TNR: variants seen among roughly 807,000 people sequenced by gnomAD.
TNR encodes the protein tenascin R.
A neutral mutation model predicts 150.4 loss-of-function variants in TNR; 45 were observed. That is an observed-to-expected ratio of 0.30 (90% CI 0.24 to 0.38). TNR has a LOEUF of 0.38. TNR is among the 10% of genes least tolerant of loss of function. The pLI, the probability that TNR is intolerant of heterozygous loss-of-function variation, is 1.00. For missense variants in TNR, 1,544 were observed against 1,759.1 expected (o/e 0.88, Z 2.19); for synonymous variants, 687 against 678.4 (o/e 1.01, Z -0.20).
chr1:175,538,326 G>A (rs1660373697), intron 1 of TNR, among the ~76,000 whole-genome samples: 1 of 152,112 alleles, frequency 6.6e-6, no homozygotes, highest in Admixed American at 6.5e-5. Context: ...CAGAACCTGT[G>A]TTCAGGTCAG....
At chr1:175,615,033 G>C (rs1663725850) in intron 1 of TNR, among the ~76,000 whole-genome samples, 1 of 152,244 alleles carries the variant, frequency 6.6e-6, no homozygotes, top group African/African-American at 2.4e-5. Context: ...AGTGGGGCTG[G>C]TGAAATAGCT....
At chr1:175,585,163 T>TAGGTGC (rs1438432130) in intron 1 of TNR, among the ~76,000 whole-genome samples, 2 of 152,114 alleles carry the variant, frequency 1.3e-5, no homozygotes, top group Non-Finnish European at 2.9e-5. Context: ...ACTGATAAAG[T>TAGGTGC]AGGTGCAGTT....
intron 1 of TNR, among the ~76,000 whole-genome samples, chr1:175,570,057 C>A (rs1479592726): frequency 6.6e-6 from 1 of 152,156 alleles, no homozygotes; most frequent in African/African-American, 2.4e-5. Flanking sequence ...AAAGGCTTTC[C>A]TTCAAGTTCT....
chr1:175,624,609 A>C (rs1192558367), intron 1 of TNR, among the ~76,000 whole-genome samples: 1 of 152,178 alleles, frequency 6.6e-6, no homozygotes, highest in Non-Finnish European at 1.5e-5. Context: ...AGGTAGTCCC[A>C]CTACAGGTTT....
intron 1 of TNR, among the ~76,000 whole-genome samples, chr1:175,660,126 A>G (rs1408585747): frequency 6.6e-6 from 1 of 152,202 alleles, no homozygotes; most frequent in Non-Finnish European, 1.5e-5. Context: ...CTCTGGACTC[A>G]GTTTCCACAA....
chr1:175,421,842 G>A (rs1235384194), intron 2 of TNR, among the ~76,000 whole-genome samples: 1 of 152,196 alleles, frequency 6.6e-6, no homozygotes, highest in African/African-American at 2.4e-5. Flanking sequence ...CAGAGCTTGT[G>A]CATTCTGCCC....
chr1:175,524,935 A>G (rs1012335914), intron 2 of TNR, among the ~76,000 whole-genome samples: 2 of 152,180 alleles, frequency 1.3e-5, no homozygotes, highest in Non-Finnish European at 2.9e-5. Context: ...AGGCTCTGCC[A>G]AGACCTCCTC....
At chr1:175,560,368 T>C (rs1223381669) in intron 1 of TNR, among the ~76,000 whole-genome samples, 1 of 152,250 alleles carries the variant, frequency 6.6e-6, no homozygotes, top group Non-Finnish European at 1.5e-5. Flanking sequence ...GACAAGATGT[T>C]CTCAGATGTT....
chr1:175,651,861 T>C (rs1470079497), intron 1 of TNR, among the ~76,000 whole-genome samples: 1 of 151,590 alleles, frequency 6.6e-6, no homozygotes, highest in East Asian at 1.9e-4. Context: ...TATGAAATCG[T>C]AACCAAATAA....
rs75366770 is a variant in TNR at position 175,507,660 on chromosome 1, C to T, written c.-64+20609G>A. Reference sequence around the variant, plus strand: ...ACAGTCCTCAGCCTCACATGTTTTCCCACCCAGCATAATGAACTCCTACAT... The same window carrying T: ...ACAGTCCTCAGCCTCACATGTTTTCTCACCCAGCATAATGAACTCCTACAT... On this transcript the variant is annotated intron_variant, in intron 2 of 22. Transcript: ENST00000367674. Among the ~76,000 whole-genome samples, 145 of 152,256 alleles carry T rather than the reference C, an allele frequency of 9.5e-4. 1 individual carries two copies. The highest frequency in any genetic ancestry group is 3.3e-3 in the African/African-American group (137 of 41,548).
intron 18 of TNR, among the ~76,000 whole-genome samples, chr1:175,352,264 C>T (rs1651088133): frequency 6.6e-6 from 1 of 152,168 alleles, no homozygotes; most frequent in South Asian, 2.1e-4. Flanking sequence ...CTCACAACTG[C>T]TAGCTGTGGC....
intron 2 of TNR, among the ~76,000 whole-genome samples, chr1:175,476,748 T>TC (rs367792822): frequency 6.6e-6 from 1 of 152,208 alleles, no homozygotes; most frequent in African/African-American, 2.4e-5. Flanking sequence ...CAACCACTGT[T>TC]CTGTAAAGTA....
chr1:175,651,417 T>C (rs576416351), intron 1 of TNR, among the ~76,000 whole-genome samples: 2 of 151,388 alleles, frequency 1.3e-5, no homozygotes, highest in South Asian at 4.2e-4. Context: ...AGCATAAAGG[T>C]TTTTTGCCCT....
chr1:175,468,792 G>A (rs550151418), intron 2 of TNR, among the ~76,000 whole-genome samples: 1 of 152,282 alleles, frequency 6.6e-6, no homozygotes, highest in East Asian at 1.9e-4. Flanking sequence ...CCAGTAGCAG[G>A]AGGAGGTGGG....
chr1:175,477,017 G>A (rs1326977585), intron 2 of TNR, among the ~76,000 whole-genome samples: 1 of 152,132 alleles, frequency 6.6e-6, no homozygotes, highest in African/African-American at 2.4e-5. Context: ...TGGGAAAGAA[G>A]AACCAAAAGA....
intron 1 of TNR, among the ~76,000 whole-genome samples, chr1:175,567,409 C>T (rs1661687236): frequency 6.6e-6 from 1 of 152,112 alleles, no homozygotes; most frequent in Non-Finnish European, 1.5e-5. Context: ...GGGCTGCCTC[C>T]CAGGAGGCCA....
chr1:175,680,535 A>G lies in TNR; in HGVS notation c.-165+62691T>C, dbSNP rs137939806. On this transcript the variant is annotated intron_variant, in intron 1 of 22. Transcript: ENST00000367674. The stretch of plus-strand genomic sequence containing the variant: ...GGATGACAGCTGAACCCTGTGTGCC[A>G]TCGGAGTAGAGAGATGAGAGAAATC... 1.8e-3 allele frequency among the ~76,000 whole-genome samples: 268 copies of G among 152,328 alleles called. 3 individuals are homozygous for G. The East Asian group carries it at 0.026, about 15-fold the overall frequency.
intron 1 of TNR, among the ~76,000 whole-genome samples, chr1:175,650,092 C>G (rs1323589590): frequency 6.6e-6 from 1 of 152,100 alleles, no homozygotes; most frequent in Non-Finnish European, 1.5e-5. Context: ...AGGGATTTTT[C>G]AAAATTTGTG....
At chr1:175,372,191 G>T (rs1652139427) in intron 9 of TNR, among the ~76,000 whole-genome samples, 1 of 152,236 alleles carries the variant, frequency 6.6e-6, no homozygotes, top group Admixed American at 6.5e-5. Flanking sequence ...ACCAGAAGCA[G>T]ATTCTGGCAC....
Sources: gnomAD v4.1 joint callset for allele counts (sites outside exome capture counted in the v4.1 genomes callset) on GRCh38, gnomAD v4.1.1 for gene constraint, MANE v1.5 for transcripts, NCBI Gene and HGNC (gene_info 2026-07-23, HGNC 2026-07-21) for gene names.